The following LRP1B variants were observed in gnomAD, a reference collection of about 807,000 sequenced individuals.
LRP1B encodes the protein low-density lipoprotein receptor-related protein 1B.
LRP1B carries 217 observed loss-of-function variants against 556.6 expected under a neutral mutation model. That is an observed-to-expected ratio of 0.39 (90% CI 0.35 to 0.44). The LOEUF is 0.44. LRP1B is among the 20% of genes least tolerant of loss of function. LRP1B has a pLI of 1.00. For missense variants in LRP1B, 5,053 were observed against 5,620.8 expected (o/e 0.90, Z 3.23); for synonymous variants, 2,047 against 1,865.8 (o/e 1.10, Z -2.50).
chr2:141,186,523 T>C (rs1681267191), intron 7 of LRP1B, among the ~76,000 whole-genome samples: 1 of 152,080 alleles, frequency 6.6e-6, no homozygotes, highest in Admixed American at 6.6e-5. Context: ...CCTGTATTTA[T>C]AAAAGAGTTG....
intron 20 of LRP1B, among the ~76,000 whole-genome samples, chr2:140,941,588 C>T (rs1695404724): frequency 6.6e-6 from 1 of 152,120 alleles, no homozygotes; most frequent in South Asian, 2.1e-4. Flanking sequence ...CTGGATTGAG[C>T]CTGAATTATC....
At chr2:141,149,902 T>A (rs1029889833) in intron 7 of LRP1B, among the ~76,000 whole-genome samples, 66 of 152,324 alleles carry the variant, frequency 4.3e-4, no homozygotes, top group African/African-American at 1.6e-3. Context: ...TCTCCTTTCC[T>A]TCTGCAAATA....
rs369615443 is a variant in LRP1B at position 140,414,553 on chromosome 2, C to T, written c.10414+27951G>A. ...GTGTTTTGTGGGAAGTCAGGGACCC[C>T]GAATAGAGGGACCAGCTGGAGCCGC... On this transcript the variant is annotated intron_variant, in intron 66 of 90. Transcript: ENST00000389484. Among the ~76,000 whole-genome samples the T allele has an allele frequency of 7.9e-5, 12 of 151,858 alleles. No individual in the cohort carries two copies. In the East Asian group the frequency reaches 9.7e-4, roughly 12 times the overall value.
chr2:142,118,766 C>G (rs954066713), intron 1 of LRP1B, among the ~76,000 whole-genome samples: 1 of 152,066 alleles, frequency 6.6e-6, no homozygotes, highest in Non-Finnish European at 1.5e-5. Flanking sequence ...ACATTTGGCA[C>G]CCCTCTGCTA....
intron 1 of LRP1B, among the ~76,000 whole-genome samples, chr2:142,010,395 A>T (rs551931104): frequency 8.6e-5 from 13 of 151,968 alleles, no homozygotes; most frequent in Non-Finnish European, 1.9e-4. Flanking sequence ...TCTACTAAAA[A>T]TACAAAAAAT....
intron 3 of LRP1B, among the ~76,000 whole-genome samples, chr2:141,295,648 C>T (rs145141747): frequency 1.3e-5 from 2 of 151,868 alleles, no homozygotes; most frequent in East Asian, 1.9e-4. Flanking sequence ...TTTACTTTAT[C>T]TTTATAGGAA....
Position 140,631,916 on chromosome 2 carries a change from T to A in LRP1B, c.6800-30277A>T, listed in dbSNP as rs6736300. 9.4e-3 allele frequency among the ~76,000 whole-genome samples: 1,433 copies of A among 152,200 alleles called. 22 individuals are homozygous for A. Among genetic ancestry groups the A allele is most frequent in the African/African-American group, 0.032 (1,345 of 41,532 alleles). The stretch of plus-strand genomic sequence containing the variant: ...GAAAGCAGCCAGAGACCAAAATAAT[T>A]CCTCACCTATAGAAGAACAAGGATA... On this transcript the variant is annotated intron_variant, in intron 41 of 90. Transcript: ENST00000389484.
At chr2:140,377,108 G>A (rs756818379) in intron 68 of LRP1B, among the ~76,000 whole-genome samples, 1 of 152,146 alleles carries the variant, frequency 6.6e-6, no homozygotes, top group African/African-American at 2.4e-5. Flanking sequence ...GTGGAGTCTC[G>A]CTCTGTCGCC....
intron 2 of LRP1B, among the ~76,000 whole-genome samples, 174 bp downstream of exon 2, chr2:141,810,103 GAA>G (rs1472492682): frequency 7.9e-6 from 1 of 126,542 alleles, no homozygotes; most frequent in South Asian, 2.6e-4. Context: ...AAAAAAGAAA[GAA>G]AGAAAGAAAA....
At chr2:141,146,996 C>T (rs1386977095) in intron 7 of LRP1B, among the ~76,000 whole-genome samples, 2 of 152,178 alleles carry the variant, frequency 1.3e-5, no homozygotes, top group Non-Finnish European at 2.9e-5. Context: ...TGAGCATCCT[C>T]CTACTAGCTT....
chr2:141,855,281 G>T (rs1226416999), intron 1 of LRP1B, among the ~76,000 whole-genome samples: 2 of 152,072 alleles, frequency 1.3e-5, no homozygotes, highest in Non-Finnish European at 2.9e-5. Flanking sequence ...AAAAAAAACT[G>T]CCTAAAGAAG....
At chr2:141,966,080 A>G (rs1402292310) in intron 1 of LRP1B, among the ~76,000 whole-genome samples, 1 of 151,864 alleles carries the variant, frequency 6.6e-6, no homozygotes, top group East Asian at 2.0e-4. Context: ...TAGCATGCTC[A>G]GTATTTTTTG....
intron 41 of LRP1B, among the ~76,000 whole-genome samples, chr2:140,692,911 C>A (rs748897155): frequency 1.7e-4 from 26 of 152,224 alleles, no homozygotes; most frequent in Non-Finnish European, 3.7e-4. Flanking sequence ...AAAAGCTCAT[C>A]ATATTTGCAC....
intron 17 of LRP1B, among the ~76,000 whole-genome samples, chr2:140,984,119 T>C (rs1303929453): frequency 2.0e-5 from 3 of 151,960 alleles, no homozygotes; most frequent in African/African-American, 7.2e-5. Flanking sequence ...ATGTCATTAG[T>C]TTACTTGACA....
chr2:140,654,839 C>G (rs1684819615), intron 41 of LRP1B, among the ~76,000 whole-genome samples: 1 of 152,162 alleles, frequency 6.6e-6, no homozygotes, highest in South Asian at 2.1e-4. Context: ...CATCTGCTCT[C>G]CGTATTGTTC....
At chr2:140,325,157 C>T (rs1270622033) in intron 80 of LRP1B, among the ~76,000 whole-genome samples, 2 of 151,876 alleles carry the variant, frequency 1.3e-5, no homozygotes, top group Non-Finnish European at 1.5e-5. Context: ...AGAACTGAGA[C>T]AGCCAGGCAG....
intron 62 of LRP1B, among the ~76,000 whole-genome samples, chr2:140,454,400 C>T (rs1687011048): frequency 6.6e-6 from 1 of 152,168 alleles, no homozygotes; most frequent in South Asian, 2.1e-4. Context: ...ATCCACCTGC[C>T]TCGTTCTCCC....
chr2:140,473,330 G>A (rs1195111011), intron 60 of LRP1B, among the ~76,000 whole-genome samples: 4 of 151,894 alleles, frequency 2.6e-5, no homozygotes, highest in Non-Finnish European at 5.9e-5. Context: ...TCCCATTTAA[G>A]TCTTGATGCA....
chr2:142,066,932 AG>A (rs1434582664), intron 1 of LRP1B, among the ~76,000 whole-genome samples: 2 of 151,430 alleles, frequency 1.3e-5, no homozygotes, highest in Non-Finnish European at 3.0e-5. Flanking sequence ...GCTAAAATCA[AG>A]CTGTCTGCAG....
Sources: gnomAD v4.1 joint callset for allele counts (sites outside exome capture counted in the v4.1 genomes callset) on GRCh38, gnomAD v4.1.1 for gene constraint, MANE v1.5 for transcripts, NCBI Gene and HGNC (gene_info 2026-07-23, HGNC 2026-07-21) for gene names.